Variants in CCSER1 observed in about 807,000 individuals in gnomAD.
The protein encoded by CCSER1 is coiled-coil serine rich protein 1.
In CCSER1, 41 loss-of-function variants were observed where a neutral mutation model predicts 82.0. The observed-to-expected ratio is 0.50, with a 90% CI of 0.39 to 0.65. The LOEUF (loss-of-function observed/expected upper bound fraction) is 0.65. Ranked by LOEUF, CCSER1 falls within the 30% of genes least tolerant of loss-of-function variation. CCSER1 has a pLI of 0.00. For synonymous variants in CCSER1, 414 were observed against 383.9 expected (o/e 1.08, Z -0.92); for missense variants, 1,119 against 1,064.2 (o/e 1.05, Z -0.72).
At chr4:90,546,207 G>GT in intron 5 of CCSER1, among the ~76,000 whole-genome samples, 1 of 152,192 alleles carries the variant, frequency 6.6e-6, no homozygotes. Context: ...TTTCTTCTAA[G>GT]TTTTTTCCTT....
chr4:90,683,864 T>G (rs184044326), intron 6 of CCSER1, among the ~76,000 whole-genome samples: 10 of 152,296 alleles, frequency 6.6e-5, no homozygotes, highest in Admixed American at 5.9e-4. Context: ...AATTGTCTTT[T>G]GAGCCATGTT....
intron 10 of CCSER1, among the ~76,000 whole-genome samples, chr4:91,577,682 T>C (rs996614108): frequency 6.6e-6 from 1 of 152,020 alleles, no homozygotes; most frequent in Non-Finnish European, 1.5e-5. Flanking sequence ...TATTTGAATA[T>C]TGCATTTTAT....
chr4:90,159,289 C>T (rs1578248134), intron 1 of CCSER1, among the ~76,000 whole-genome samples: 1 of 152,274 alleles, frequency 6.6e-6, no homozygotes. Context: ...AAGCAATCTT[C>T]CCTCCTCAGC....
intron 3 of CCSER1, among the ~76,000 whole-genome samples, chr4:90,329,126 T>C (rs890813319): frequency 3.3e-5 from 5 of 152,098 alleles, no homozygotes; most frequent in Admixed American, 3.3e-4. Flanking sequence ...TACACTTTCT[T>C]CTAAAACACA....
intron 10 of CCSER1, among the ~76,000 whole-genome samples, chr4:91,257,866 G>C (rs1381012751): frequency 6.6e-6 from 1 of 152,052 alleles, no homozygotes; most frequent in African/African-American, 2.4e-5. Context: ...CATTAAGATG[G>C]AAATATGTCT....
intron 10 of CCSER1, among the ~76,000 whole-genome samples, chr4:91,432,587 G>A (rs571756744): frequency 1.4e-3 from 220 of 151,948 alleles, no homozygotes; most frequent in African/African-American, 5.1e-3. Flanking sequence ...TTATTAACTG[G>A]TAGGTGAAAA....
chr4:90,504,229 G>T (rs1398296282), intron 5 of CCSER1, among the ~76,000 whole-genome samples: 1 of 151,780 alleles, frequency 6.6e-6, no homozygotes, highest in Non-Finnish European at 1.5e-5. Flanking sequence ...AAATTTCCAT[G>T]AACTTATCAC....
intron 8 of CCSER1, among the ~76,000 whole-genome samples, chr4:90,830,249 A>G (rs904120137): frequency 1.3e-4 from 20 of 152,120 alleles, no homozygotes; most frequent in African/African-American, 4.6e-4. Context: ...TATGCCATTT[A>G]CTTGTGTATC....
At chr4:90,296,952 C>A (rs1478115155) in intron 1 of CCSER1, among the ~76,000 whole-genome samples, 1 of 152,110 alleles carries the variant, frequency 6.6e-6, no homozygotes, top group Non-Finnish European at 1.5e-5. Flanking sequence ...GTTCTTTTGG[C>A]TTAGGATTGA....
intron 1 of CCSER1, among the ~76,000 whole-genome samples, chr4:90,182,867 G>T (rs1025489220): frequency 2.0e-5 from 3 of 151,328 alleles, no homozygotes; most frequent in Non-Finnish European, 3.0e-5. Context: ...TTAATAAAGG[G>T]TATTACCTTT....
intron 1 of CCSER1, among the ~76,000 whole-genome samples, chr4:90,266,840 A>G (rs1221059328): frequency 6.6e-6 from 1 of 151,960 alleles, no homozygotes; most frequent in Non-Finnish European, 1.5e-5. Flanking sequence ...ATAAACTTGA[A>G]AGGCTCACTA....
chr4:90,698,977 TG>T (rs1374469038), intron 6 of CCSER1, among the ~76,000 whole-genome samples: 4 of 152,048 alleles, frequency 2.6e-5, no homozygotes, highest in African/African-American at 9.7e-5. Context: ...GGTGTGCACC[TG>T]TAGTCCCAGC....
intron 10 of CCSER1, among the ~76,000 whole-genome samples, chr4:91,411,055 T>C (rs1752992652): frequency 6.6e-6 from 1 of 151,980 alleles, no homozygotes; most frequent in African/African-American, 2.4e-5. Context: ...AATATTTATA[T>C]AATTTTATGT....
chr4:90,682,008 AAAT>A (rs1733974776), intron 6 of CCSER1, among the ~76,000 whole-genome samples: 1 of 152,016 alleles, frequency 6.6e-6, no homozygotes, highest in South Asian at 2.1e-4. Context: ...AAAGAAAAAA[AAAT>A]AACTTTTTTT....
intron 1 of CCSER1, among the ~76,000 whole-genome samples, chr4:90,154,879 C>A (rs1301784898): frequency 6.6e-6 from 1 of 151,908 alleles, no homozygotes; most frequent in Non-Finnish European, 1.5e-5. Context: ...ATTTCCTTCT[C>A]CTGCCTAATT....
At chr4:91,330,884 A>C (rs1399197522) in intron 10 of CCSER1, among the ~76,000 whole-genome samples, 2 of 152,178 alleles carry the variant, frequency 1.3e-5, no homozygotes, top group African/African-American at 4.8e-5. Flanking sequence ...ATATTTAATA[A>C]GTTTTAAATT....
chr4:90,605,817 T>C (rs914556569), intron 5 of CCSER1, among the ~76,000 whole-genome samples: 1 of 147,910 alleles, frequency 6.8e-6, no homozygotes, highest in East Asian at 1.9e-4. Context: ...GTTTTGTATA[T>C]TTTTTTTCAA....
intron 6 of CCSER1, among the ~76,000 whole-genome samples, chr4:90,683,579 G>A (rs950483439): frequency 8.6e-5 from 13 of 151,952 alleles, no homozygotes; most frequent in African/African-American, 2.7e-4. Context: ...TTTGTAAAAC[G>A]AAAATGGCTT....
intron 9 of CCSER1, among the ~76,000 whole-genome samples, chr4:90,975,272 T>G (rs1490500417): frequency 6.6e-6 from 1 of 151,154 alleles, no homozygotes; most frequent in African/African-American, 2.4e-5. Flanking sequence ...GAGGAAAATT[T>G]CTTAGAATTA....
Sources: allele counts gnomAD v4.1 joint callset (sites outside exome capture counted in the v4.1 genomes callset), GRCh38; gene constraint gnomAD v4.1.1; transcripts MANE v1.5; gene names NCBI Gene and HGNC (gene_info 2026-07-23, HGNC 2026-07-21).